Variants in PRDM16 observed in about 807,000 individuals in gnomAD.
PRDM16 encodes the protein histone-lysine N-methyltransferase PRDM16.
In PRDM16, 23 loss-of-function variants were observed where a neutral mutation model predicts 110.6. The observed-to-expected ratio is 0.21, with a 90% CI of 0.15 to 0.29. PRDM16 has a LOEUF of 0.29. PRDM16 is among the 10% of genes least tolerant of loss of function. The probability of loss-of-function intolerance (pLI) is 1.00; values close to 1 mark genes in which losing one functional copy is unlikely to be tolerated. For missense variants in PRDM16, 1,615 were observed against 1,794.3 expected, an observed-to-expected ratio of 0.90 and a Z score of 1.81; for synonymous variants, 799 against 781.8, an observed-to-expected ratio of 1.02 and a Z score of -0.37.
At chr1:3,417,758 C>A (rs781520078) in intron 10 of PRDM16, 70 bp from the exon 11 acceptor site, 2 of 1,334,172 alleles carry the variant, frequency 1.5e-6, no homozygotes, top group East Asian at 4.6e-5. Context: ...ACAGAACCCC[C>A]AGCAGTGCGT....
At chr1:3,185,227 A>G (rs767265535) in intron 1 of PRDM16, among the ~76,000 whole-genome samples, 1 of 151,802 alleles carries the variant, frequency 6.6e-6, no homozygotes. Flanking sequence ...GCACACACAC[A>G]CTATCTTGGC....
chr1:3,410,560 G>A (rs1040353831), intron 8 of PRDM16, among the ~76,000 whole-genome samples: 20 of 152,330 alleles, frequency 1.3e-4, no homozygotes, highest in African/African-American at 4.8e-4. Flanking sequence ...CCCCGAGTTG[G>A]GGCCTCCTGA....
At chr1:3,416,123 C>T (rs530490057) in intron 10 of PRDM16, among the ~76,000 whole-genome samples, 8 of 152,194 alleles carry the variant, frequency 5.3e-5, no homozygotes, top group Non-Finnish European at 7.3e-5. Context: ...CCACTGTGGA[C>T]GGACACGAGT....
chr1:3,231,733 C>T (rs1226713613), intron 2 of PRDM16, among the ~76,000 whole-genome samples: 1 of 152,248 alleles, frequency 6.6e-6, no homozygotes, highest in Admixed American at 6.5e-5. Flanking sequence ...TGGGCAGTCC[C>T]TGGACTTGGT....
At chr1:3,381,130 C>T (rs1309332051) in intron 3 of PRDM16, among the ~76,000 whole-genome samples, 3 of 152,216 alleles carry the variant, frequency 2.0e-5, no homozygotes, top group South Asian at 4.1e-4. Context: ...CTTCTCGCCG[C>T]GTTCCCCCAG....
rs370514834 is a variant in PRDM16 at position 3,218,182 on chromosome 1, G to A, written c.388-25905G>A. Among the ~76,000 whole-genome samples the A allele has an allele frequency of 8.5e-5, 13 of 152,360 alleles. No individual in the cohort carries two copies. In the South Asian group the frequency reaches 1.7e-3, roughly 19 times the overall value. On this transcript the variant is annotated intron_variant, in intron 2 of 16. Transcript: ENST00000270722. ...CGGCCAGAGGAGGTGCCTGGCTCTC[G>A]GCAGGGAGCCGCAGGGCTCTTTCTT...
intron 3 of PRDM16, among the ~76,000 whole-genome samples, chr1:3,357,602 G>A (rs1433980378): frequency 7.1e-5 from 10 of 141,378 alleles, no homozygotes; most frequent in African/African-American, 1.3e-4. Context: ...AGGGGCAGCC[G>A]GCCCACAGGG....
chr1:3,089,166 C>G (rs1450784934), intron 1 of PRDM16, among the ~76,000 whole-genome samples: 1 of 152,240 alleles, frequency 6.6e-6, no homozygotes, highest in African/African-American at 2.4e-5. Flanking sequence ...TTTTGCAGGC[C>G]TGGGCCCCTC....
chr1:3,090,875 G>A (rs938840137), intron 1 of PRDM16, among the ~76,000 whole-genome samples: 2 of 152,194 alleles, frequency 1.3e-5, no homozygotes, highest in African/African-American at 2.4e-5. Context: ...GCTCCGAGCC[G>A]AAAGCAGAAT....
chr1:3,197,206 G>A (rs367964393), intron 2 of PRDM16, among the ~76,000 whole-genome samples: 1 of 152,328 alleles, frequency 6.6e-6, no homozygotes, highest in East Asian at 1.9e-4. Flanking sequence ...GCCCCAGGGA[G>A]GGAAAGAGTC....
At chr1:3,249,998 G>A (rs945420430) in intron 3 of PRDM16, among the ~76,000 whole-genome samples, 10 of 152,174 alleles carry the variant, frequency 6.6e-5, no homozygotes, top group East Asian at 5.8e-4. Context: ...GCAGAAAGTC[G>A]GAAAGCACCG....
At chr1:3,418,087 C>A in intron 11 of PRDM16, 90 bp downstream of exon 11, 1 of 1,124,140 alleles carries the variant, frequency 8.9e-7, no homozygotes, top group Non-Finnish European at 1.3e-6. Context: ...AGGAAAAACT[C>A]AGAGTCCCGG....
chr1:3,237,192 C>T (rs551731706), intron 2 of PRDM16, among the ~76,000 whole-genome samples: 1 of 152,284 alleles, frequency 6.6e-6, no homozygotes, highest in East Asian at 1.9e-4. Context: ...CATCCGAGAG[C>T]CCCTGCCTGA....
Position 3,188,380 on chromosome 1 carries a change from T to A in PRDM16, c.387+1906T>A, listed in dbSNP as rs192243655. On this transcript the variant is annotated intron_variant, in intron 2 of 16. Transcript: ENST00000270722. ...TACAAGTTTCTATTTGCTTTTTTTT[T>A]AAAGAAATGGCCCGTATCACCATGT... Among the ~76,000 whole-genome samples the A allele has an allele frequency of 1.6e-3, 249 of 152,312 alleles. 1 individual carries two copies. The highest frequency in any genetic ancestry group is 8.6e-3 in the Admixed American group (131 of 15,306).
rs533475661 is a variant in PRDM16 at position 3,259,029 on chromosome 1, C to T, written c.438+14892C>T. Reference sequence around the variant, plus strand: ...CTGTTTTGGACGAGAAATGCAGAGGCGGGAGCAAAAGGGAACTGGCAAGGT... The same window carrying T: ...CTGTTTTGGACGAGAAATGCAGAGGTGGGAGCAAAAGGGAACTGGCAAGGT... On this transcript the variant is annotated intron_variant, in intron 3 of 16. Coordinates refer to ENST00000270722, the MANE Select transcript of PRDM16 (RefSeq NM_022114.4). 6.6e-5 allele frequency among the ~76,000 whole-genome samples: 10 copies of T among 152,302 alleles called. 1 individual carries two copies. The highest frequency in any genetic ancestry group is 1.2e-4 in the African/African-American group (5 of 41,566).
chr1:3,077,392 T>C (rs929519322), intron 1 of PRDM16, among the ~76,000 whole-genome samples: 1 of 152,346 alleles, frequency 6.6e-6, no homozygotes, highest in Middle Eastern at 3.4e-3. Flanking sequence ...TCACTGCTGC[T>C]GGACTCTCCC....
chr1:3,238,551 T>C (rs1639589764), intron 2 of PRDM16, among the ~76,000 whole-genome samples: 1 of 152,200 alleles, frequency 6.6e-6, no homozygotes, highest in Non-Finnish European at 1.5e-5. Context: ...TACTCCCGGT[T>C]GAGAGCGCAA....
chr1:3,422,694 G>T (rs1638473180), intron 12 of PRDM16, among the ~76,000 whole-genome samples: 1 of 152,254 alleles, frequency 6.6e-6, no homozygotes, highest in Admixed American at 6.5e-5. Flanking sequence ...GTCGGGTAGG[G>T]GGGCACCCAA....
At chr1:3,275,860 C>T (rs1256939110) in intron 3 of PRDM16, among the ~76,000 whole-genome samples, 2 of 152,210 alleles carry the variant, frequency 1.3e-5, no homozygotes, top group Admixed American at 6.5e-5. Flanking sequence ...GCCCTAGTCT[C>T]TTCTCGTGGG....
Sources: allele counts gnomAD v4.1 joint callset (sites outside exome capture counted in the v4.1 genomes callset), GRCh38; gene constraint gnomAD v4.1.1; transcripts MANE v1.5; gene names NCBI Gene and HGNC (gene_info 2026-07-23, HGNC 2026-07-21).